Variants in RTEL1 observed in about 807,000 individuals in gnomAD.
RTEL1 encodes regulator of telomere elongation helicase 1, also known as regulator of telomere length.
In RTEL1, 86 loss-of-function variants were observed where a neutral mutation model predicts 162.2. That is an observed-to-expected ratio of 0.53 (90% CI 0.45 to 0.63). The LOEUF (loss-of-function observed/expected upper bound fraction) is 0.63. Ranked by LOEUF, RTEL1 falls within the 30% of genes least tolerant of loss-of-function variation. RTEL1 has a pLI of 0.00. For synonymous variants in RTEL1, 958 were observed against 717.9 expected, an observed-to-expected ratio of 1.33 and a Z score of -5.35; for missense variants, 1,941 against 1,750.2, an observed-to-expected ratio of 1.11 and a Z score of -1.95.
chr20:63,694,302 C>CA, intron 30 of RTEL1, 70 bp from the exon 31 acceptor site: 4 of 856,722 alleles, frequency 4.7e-6, no homozygotes, highest in Non-Finnish European at 5.9e-6. Flanking sequence ...CTAGCCAGCC[C>CA]TGCCCCCCCA....
rs1321655114 is a variant in RTEL1, at chr20:63,661,902, A to G, written c.354A>G (p.Gln118=). 3.1e-6 allele frequency: 5 copies of G among 1,613,556 alleles called. No individual in the cohort carries two copies. In the African/African-American group the frequency reaches 4.0e-5, roughly 13 times the overall value. Residue 118 remains glutamine (Q), a synonymous_variant, in exon 4 of 35, where the codon CAA becomes CAG. Coordinates refer to ENST00000360203, the MANE Select transcript of RTEL1 (RefSeq NM_001283009.2). The surrounding 1 kb of genome is among the most constrained non-coding windows in gnomAD (Gnocchi z 5.1). ...KIIYASRTHS[Q]LTQVINELRN... The stretch of plus-strand genomic sequence containing the variant: ...TTTACGCCTCCAGGACCCACTCGCA[A>G]CTCACACAGGTCATCAACGAGCTTC...
intron 30 of RTEL1, among the ~76,000 whole-genome samples, chr20:63,694,008 C>A (rs555740135): frequency 6.6e-6 from 1 of 151,798 alleles, no homozygotes; most frequent in Non-Finnish European, 1.5e-5. Context: ...CATCTGTGTT[C>A]GTGTGTTAAT....
chr20:63,676,873 T>C (rs973217980), intron 10 of RTEL1, among the ~76,000 whole-genome samples: 3 of 151,880 alleles, frequency 2.0e-5, no homozygotes, highest in Admixed American at 1.3e-4. Flanking sequence ...AGGCGGAGGT[T>C]GCAGTGAGCC....
At chr20:63,683,175 A>C (rs1237709980) in intron 14 of RTEL1, among the ~76,000 whole-genome samples, 1 of 152,196 alleles carries the variant, frequency 6.6e-6, no homozygotes, top group Non-Finnish European at 1.5e-5. Flanking sequence ...CATGTTTCCC[A>C]GGCTGGTCTC....
At chr20:63,683,451 G>A (rs993631987) in intron 14 of RTEL1, among the ~76,000 whole-genome samples, 4 of 152,204 alleles carry the variant, frequency 2.6e-5, no homozygotes, top group East Asian at 3.8e-4. Flanking sequence ...AGGAAGGAAC[G>A]GAAGGAAATT....
At chr20:63,689,214 C>T (rs1278300626) in intron 22 of RTEL1, 82 bp downstream of exon 22, 1 of 1,376,048 alleles carries the variant, frequency 7.3e-7, no homozygotes, top group Non-Finnish European at 1.0e-6. Flanking sequence ...GACTCTGGGC[C>T]CTGGGGGCTG....
Position 63,692,938 on chromosome 20 carries a change from C to G in RTEL1, c.2786C>G (p.Ala929Gly), listed in dbSNP as rs1292101568. Reference sequence around the variant, plus strand: ...GACTACAAGGGTTCCGATGACTTCGCCGCCCTGGCCGCCTGTCTCGGCCCC... The same window carrying G: ...GACTACAAGGGTTCCGATGACTTCGGCGCCCTGGCCGCCTGTCTCGGCCCC... Reference protein sequence around the residue: ...LQDYKGSDDFAALAACLGPLF... With the variant: ...LQDYKGSDDFGALAACLGPLF... The change falls in exon 29 of 35, where the codon GCC becomes GGC. Residue 929 changes from alanine (A) to glycine (G), a missense_variant. Coordinates refer to ENST00000360203, the MANE Select transcript of RTEL1 (RefSeq NM_001283009.2). 1 of 1,612,614 alleles carries G rather than the reference C, an allele frequency of 6.2e-7. No individual in the cohort carries two copies. The highest frequency in any genetic ancestry group is 8.5e-7 in the Non-Finnish European group (1 of 1,179,818).
chr20:63,685,921 G>A (rs367924046), intron 16 of RTEL1, 49 bp downstream of exon 16: 34 of 1,546,986 alleles, frequency 2.2e-5, no homozygotes, highest in South Asian at 1.5e-4. Flanking sequence ...TGCAGTGCCC[G>A]GCACCACCAT....
chr20:63,694,278 G>A (rs775983009), intron 30 of RTEL1, 94 bp from the exon 31 acceptor site: 1 of 1,110,724 alleles, frequency 9.0e-7, no homozygotes, highest in Non-Finnish European at 1.4e-6. Flanking sequence ...TGAGGTGGGT[G>A]AGGCCTGGCC....
chr20:63,695,721 C>G (rs963693217), intron 34 of RTEL1, 57 bp from the exon 35 acceptor site: 3 of 1,602,588 alleles, frequency 1.9e-6, no homozygotes, highest in Admixed American at 1.7e-5. Context: ...AAAGGGCAGG[C>G]CCTTGTCCTG....
chr20:63,672,706 T>C (rs1299701867), intron 9 of RTEL1, 85 bp downstream of exon 9: 7 of 1,166,036 alleles, frequency 6.0e-6, no homozygotes, highest in Non-Finnish European at 7.5e-6. Context: ...GGAGGGGCTC[T>C]GGCCAAACTC....
At chr20:63,685,435 CCTGTGACCTT>C (rs1225731045) in intron 14 of RTEL1, 78 bp from the exon 15 acceptor site, 2 of 1,358,182 alleles carry the variant, frequency 1.5e-6, no homozygotes, top group Non-Finnish European at 2.1e-6. Flanking sequence ...CCCTGGGTGT[CCTGTGACCTT>C]CTGTGTATGC....
rs757293061 is a variant in RTEL1 at position 63,693,019 on chromosome 20, G to C, written c.2851+16G>C. Reference sequence around the variant, plus strand: ...CTGCTCCAAGGTGCCCTGGCTTGCAGAGGCCACCCACCCTGAGGGCAGTGC... The same window carrying C: ...CTGCTCCAAGGTGCCCTGGCTTGCACAGGCCACCCACCCTGAGGGCAGTGC... On this transcript the variant is annotated intron_variant, in intron 29 of 34. Coordinates refer to ENST00000360203, the MANE Select transcript of RTEL1 (RefSeq NM_001283009.2). 10 of 1,612,182 alleles carry C rather than the reference G, an allele frequency of 6.2e-6. No individual in the cohort carries two copies. The Admixed American group carries it at 8.3e-5, about 13-fold the overall frequency.
chr20:63,665,186 G>A (rs1324914221), intron 6 of RTEL1: 1 of 152,900 alleles, frequency 6.5e-6, no homozygotes, highest in South Asian at 2.1e-4. Context: ...GGCCCTCGGG[G>A]GGCCTGGCAC....
chr20:63,693,006 G>T lies in RTEL1; in HGVS notation c.2851+3G>T. ...CAAGAAGCACAACCTGCTCCAAGGT[G>T]CCCTGGCTTGCAGAGGCCACCCACC... On this transcript the variant is annotated splice_donor_region_variant and intron_variant, in intron 29 of 34. Coordinates refer to ENST00000360203, the MANE Select transcript of RTEL1 (RefSeq NM_001283009.2). 6.2e-7 allele frequency: 1 copy of T among 1,612,428 alleles called. No individual in the cohort carries two copies. The highest frequency in any genetic ancestry group is 8.5e-7 in the Non-Finnish European group (1 of 1,179,714).
At position 63,693,049 on chromosome 20, in the gene RTEL1, G is replaced by T. The variant is rs372349626; in HGVS notation, c.2851+46G>T. The stretch of plus-strand genomic sequence containing the variant: ...CACCCACCCTGAGGGCAGTGCTGCC[G>T]CCGCGTGTGGGGTGGGGGCCATCTG... On this transcript the variant is annotated intron_variant, in intron 29 of 34. Coordinates refer to ENST00000360203, the MANE Select transcript of RTEL1 (RefSeq NM_001283009.2). 3 of 1,609,676 alleles carry T rather than the reference G, an allele frequency of 1.9e-6. No homozygotes were observed. The African/African-American group carries it at 4.0e-5, about 21-fold the overall frequency.
rs765990015 is a variant in RTEL1 at position 63,695,553 on chromosome 20, G to A, written c.3725G>A (p.Cys1242Tyr). Reference protein sequence around the residue: ...GAPGGPLSAGCVCQGCGAEDV... With the variant: ...GAPGGPLSAGYVCQGCGAEDV... Reference sequence around the variant, plus strand: ...CCGGGCGGGCCCCTCTCAGCAGGCTGTGTGTGCCAGGGCTGTGGGGCAGAG... The same window carrying A: ...CCGGGCGGGCCCCTCTCAGCAGGCTATGTGTGCCAGGGCTGTGGGGCAGAG... The change falls in exon 34 of 35, where the codon TGT becomes TAT. Residue 1242 changes from cysteine to tyrosine, a missense_variant. Coordinates refer to ENST00000360203, the MANE Select transcript of RTEL1 (RefSeq NM_001283009.2). The A allele has an allele frequency of 9.9e-6, 16 of 1,612,382 alleles. No homozygotes were observed. Among genetic ancestry groups the A allele is most frequent in the South Asian group, 5.5e-5 (5 of 91,076 alleles).
chr20:63,674,205 C>G (rs1165286163), intron 10 of RTEL1, 112 bp downstream of exon 10: 1 of 1,487,054 alleles, frequency 6.7e-7, no homozygotes, highest in Non-Finnish European at 8.9e-7. Flanking sequence ...AGCCAGGCTG[C>G]TTGGTCCTGA....
intron 14 of RTEL1, 125 bp downstream of exon 14, chr20:63,680,844 C>A: frequency 3.3e-6 from 5 of 1,523,876 alleles, no homozygotes; most frequent in African/African-American, 1.4e-5. Flanking sequence ...CCACCTGTTT[C>A]TGATTGGCAA....
Sources: gnomAD v4.1 joint callset for allele counts (sites outside exome capture counted in the v4.1 genomes callset) on GRCh38, gnomAD v4.1.1 for gene constraint, Gnocchi (gnomAD v3.1) non-coding constraint, MANE v1.5 for transcripts, NCBI Gene and HGNC (gene_info 2026-07-23, HGNC 2026-07-21) for gene names.